Variants in DCSTAMP observed in about 807,000 individuals in gnomAD.
DCSTAMP encodes dendritic cell-specific transmembrane protein.
A neutral mutation model predicts 33.8 loss-of-function variants in DCSTAMP; 25 were observed. The observed-to-expected ratio is 0.74, with a 90% CI of 0.54 to 1.03. DCSTAMP has a LOEUF of 1.03. Among genes scored for constraint, DCSTAMP ranks in the 50% least tolerant of loss-of-function variants. The pLI, the probability that DCSTAMP is intolerant of heterozygous loss-of-function variation, is 0.00. For synonymous variants in DCSTAMP, 245 were observed against 216.7 expected, an observed-to-expected ratio of 1.13 and a Z score of -1.15; for missense variants, 531 against 556.8, an observed-to-expected ratio of 0.95 and a Z score of 0.47.
chr8:104,354,473 A>G lies in DCSTAMP; in HGVS notation c.1030-404A>G, dbSNP rs540863922. ...TGTGTGCTAACATGTAGAAACAAGT[A>G]TTCCATGAAAATGAGTTATGTGATC... On this transcript the variant is annotated intron_variant, in intron 2 of 3. Transcript: ENST00000297581. Among the ~76,000 whole-genome samples the G allele has an allele frequency of 2.6e-5, 4 of 152,332 alleles. No individual in the cohort carries two copies. In the South Asian group the frequency reaches 6.2e-4, roughly 24 times the overall value.
Position 104,341,621 on chromosome 8 carries a change from A to C in DCSTAMP, c.-13+1759A>C, listed in dbSNP as rs183201711. 1.3e-3 allele frequency among the ~76,000 whole-genome samples: 193 copies of C among 152,362 alleles called. 1 individual carries two copies. The highest frequency in any genetic ancestry group is 3.7e-3 in the African/African-American group (155 of 41,582). ...TCCCATGGCAACAGCTTGGCCCTGC[A>C]TGAAAGCAGGTAAATGTGGGCTCAA... On this transcript the variant is annotated intron_variant, in intron 1 of 3. Coordinates refer to ENST00000297581, the MANE Select transcript of DCSTAMP (RefSeq NM_030788.4).
intron 2 of DCSTAMP, 151 bp from the exon 3 acceptor site, chr8:104,354,726 A>G (rs1318322825): frequency 3.3e-6 from 2 of 598,476 alleles, no homozygotes. Context: ...TGCTCCAATC[A>G]TAACACACAA....
intron 1 of DCSTAMP, among the ~76,000 whole-genome samples, chr8:104,346,686 T>G (rs2140470501): frequency 6.6e-6 from 1 of 152,388 alleles, no homozygotes; most frequent in East Asian, 1.9e-4. Flanking sequence ...TTTTCTGCTC[T>G]GAGCATTTCC....
chr8:104,346,576 A>T (rs1810321122), intron 1 of DCSTAMP, among the ~76,000 whole-genome samples: 1 of 152,182 alleles, frequency 6.6e-6, no homozygotes, highest in African/African-American at 2.4e-5. Flanking sequence ...TTTCCTGCTG[A>T]TGCTGTCAGA....
chr8:104,351,293 G>A (rs1810454621), intron 2 of DCSTAMP, among the ~76,000 whole-genome samples: 2 of 152,200 alleles, frequency 1.3e-5, no homozygotes, highest in African/African-American at 4.8e-5. Context: ...TGAATGACGT[G>A]GTGTGTGTAT....
intron 1 of DCSTAMP, among the ~76,000 whole-genome samples, chr8:104,344,544 C>G (rs1810245089): frequency 6.6e-6 from 1 of 152,106 alleles, no homozygotes; most frequent in Admixed American, 6.5e-5. Context: ...ACGAGAGCAG[C>G]TTCAGCAGCA....
intron 1 of DCSTAMP, among the ~76,000 whole-genome samples, chr8:104,344,894 G>A (rs907118964): frequency 3.9e-5 from 6 of 152,142 alleles, no homozygotes; most frequent in African/African-American, 7.2e-5. Context: ...CATGGGTGGC[G>A]TCACCGTGCC....
At chr8:104,347,048 T>C (rs991814254) in intron 1 of DCSTAMP, among the ~76,000 whole-genome samples, 2 of 152,242 alleles carry the variant, frequency 1.3e-5, no homozygotes, top group African/African-American at 4.8e-5. Flanking sequence ...ATAACGCTTA[T>C]TAGATATTTT....
At chr8:104,356,063 CA>C in intron 3 of DCSTAMP, 60 bp from the exon 4 acceptor site, 1 of 1,446,528 alleles carries the variant, frequency 6.9e-7, no homozygotes, top group Non-Finnish European at 9.5e-7. Context: ...AAATTGATGT[CA>C]GAGGCATTTA....
intron 2 of DCSTAMP, among the ~76,000 whole-genome samples, chr8:104,349,923 T>C (rs746068252): frequency 7.9e-5 from 12 of 152,188 alleles, no homozygotes; most frequent in Non-Finnish European, 1.6e-4. Context: ...GTTGCCGCTC[T>C]TTGCATCTTC....
chr8:104,354,052 T>G (rs1292882719), intron 2 of DCSTAMP, among the ~76,000 whole-genome samples: 2 of 152,294 alleles, frequency 1.3e-5, no homozygotes, highest in East Asian at 3.9e-4. Flanking sequence ...GGTGGCTCAA[T>G]GTCATCTCCT....
chr8:104,345,621 T>C (rs1308698133), intron 1 of DCSTAMP, among the ~76,000 whole-genome samples: 1 of 152,246 alleles, frequency 6.6e-6, no homozygotes, highest in African/African-American at 2.4e-5. Context: ...AATGTTAATG[T>C]GTCCATAAAT....
intron 2 of DCSTAMP, among the ~76,000 whole-genome samples, chr8:104,353,010 C>A (rs181259694): frequency 1.8e-4 from 27 of 152,272 alleles, no homozygotes; most frequent in African/African-American, 5.8e-4. Context: ...AAGGTGCTGC[C>A]AATATTTCTC....
chr8:104,351,809 G>T (rs915771958), intron 2 of DCSTAMP, among the ~76,000 whole-genome samples: 2 of 152,010 alleles, frequency 1.3e-5, no homozygotes, highest in Non-Finnish European at 2.9e-5. Context: ...TCACCATCTT[G>T]GTCCTAGCTG....
chr8:104,353,407 C>A (rs944707625), intron 2 of DCSTAMP, among the ~76,000 whole-genome samples: 2 of 152,216 alleles, frequency 1.3e-5, no homozygotes, highest in Non-Finnish European at 2.9e-5. Flanking sequence ...GCTGCAAAAT[C>A]CCCAGTTAAA....
intron 2 of DCSTAMP, among the ~76,000 whole-genome samples, chr8:104,350,846 C>T (rs1254198415): frequency 6.6e-6 from 1 of 152,202 alleles, no homozygotes; most frequent in African/African-American, 2.4e-5. Flanking sequence ...CTCAATTCCT[C>T]TCTCCAGAAT....
At chr8:104,342,551 G>C (rs2099383097) in intron 1 of DCSTAMP, among the ~76,000 whole-genome samples, 1 of 152,216 alleles carries the variant, frequency 6.6e-6, no homozygotes. Context: ...GCCCCCCAGA[G>C]ACCCATGGCC....
In DCSTAMP at chr8:104,356,195, A is replaced by G. The variant is rs373966410; in HGVS notation, c.1410A>G (p.Ser470=). 2 of 1,611,780 alleles carry G rather than the reference A, an allele frequency of 1.2e-6. No homozygotes were observed. Among genetic ancestry groups the G allele is most frequent in the Non-Finnish European group, 1.7e-6 (2 of 1,179,004 alleles). Residue 470 remains serine (S), a synonymous_variant, in exon 4 of 4, where the codon TCA becomes TCG. Coordinates refer to ENST00000297581, the MANE Select transcript of DCSTAMP (RefSeq NM_030788.4). ...KQMDMASADK[S] is the part of the protein sequence containing the mutation. ...TGGACATGGCAAGTGCAGACAAGTC[A>G]TGAGAGACCCCGACTACTCCTCAGC...
At chr8:104,346,615 G>A (rs1478139351) in intron 1 of DCSTAMP, among the ~76,000 whole-genome samples, 1 of 152,188 alleles carries the variant, frequency 6.6e-6, no homozygotes, top group Non-Finnish European at 1.5e-5. Context: ...TCTGGACTCT[G>A]CTAAGGCCAG....
Sources: allele counts gnomAD v4.1 joint callset (sites outside exome capture counted in the v4.1 genomes callset), GRCh38; gene constraint gnomAD v4.1.1; transcripts MANE v1.5; gene names NCBI Gene and HGNC (gene_info 2026-07-23, HGNC 2026-07-21).